Variants in PCDHGA10 observed in about 807,000 individuals in gnomAD.
PCDHGA10 encodes the protein protocadherin gamma subfamily A, 10, also known as protocadherin gamma-A10.
A neutral mutation model predicts 59.5 loss-of-function variants in PCDHGA10; 42 were observed. That is an observed-to-expected ratio of 0.71 (90% CI 0.55 to 0.91). The LOEUF (loss-of-function observed/expected upper bound fraction) is 0.91. Ranked by LOEUF, PCDHGA10 falls within the 40% of genes least tolerant of loss-of-function variation. PCDHGA10 has a pLI of 0.00. For missense variants in PCDHGA10, 1,111 were observed against 1,198.2 expected (o/e 0.93, Z 1.07); for synonymous variants, 511 against 517.2 (o/e 0.99, Z 0.16).
intron 1 of PCDHGA10, chr5:141,420,076 TCCC>T: frequency 1.9e-6 from 3 of 1,613,956 alleles, no homozygotes; most frequent in Non-Finnish European, 2.5e-6. Context: ...GACCTGTGGG[TCCC>T]CCCAACTACA....
intron 1 of PCDHGA10, chr5:141,423,481 C>G: frequency 6.2e-7 from 1 of 1,613,908 alleles, no homozygotes; most frequent in South Asian, 1.1e-5. Context: ...GGCTTTCCTG[C>G]AAACCTATTC....
At position 141,431,192 on chromosome 5, in the gene PCDHGA10, A is replaced by T. The variant is rs769745353; in HGVS notation, c.2436+15581A>T. 8.7e-6 allele frequency: 14 copies of T among 1,614,042 alleles called. No homozygotes were observed. Among genetic ancestry groups the T allele is most frequent in the African/African-American group, 2.7e-5 (2 of 74,912 alleles). On this transcript the variant is annotated intron_variant, in intron 1 of 3. Coordinates refer to ENST00000398610, the MANE Select transcript of PCDHGA10 (RefSeq NM_018913.3). This position sits in a 1 kb window ranked among gnomAD's most constrained non-coding sequence, Gnocchi z 4.8. ...TGAATTAGAAATAAAAATTAGTGAA[A>T]ATGCAGCCACTGAGATGCGGTTCCC...
At chr5:141,460,981 GTGTATA>G (rs1450537646) in intron 1 of PCDHGA10, among the ~76,000 whole-genome samples, 10 of 121,882 alleles carry the variant, frequency 8.2e-5, no homozygotes, top group African/African-American at 3.1e-4. Flanking sequence ...GTGTGTGTGT[GTGTATA>G]TATATATATG....
At chr5:141,503,309 A>G (rs2099819130) in intron 2 of PCDHGA10, among the ~76,000 whole-genome samples, 1 of 152,034 alleles carries the variant, frequency 6.6e-6, no homozygotes, top group Non-Finnish European at 1.5e-5. Flanking sequence ...TCAAGAAAGA[A>G]TTGTTGGAGG....
intron 1 of PCDHGA10, among the ~76,000 whole-genome samples, chr5:141,465,683 A>G (rs2099107378): frequency 6.6e-6 from 1 of 152,236 alleles, no homozygotes; most frequent in African/African-American, 2.4e-5. Context: ...GCTCTTGACC[A>G]GTCTGCTTTT....
rs1233637152 is a variant in PCDHGA10 at position 141,432,543 on chromosome 5, A to G, written c.2436+16932A>G. ...CTGGTGACCAAGGTGGTGGCGGTGGACAGAGACTCCGGCCAGAACGCCTGG... is the reference window on the plus strand; with the variant it reads ...CTGGTGACCAAGGTGGTGGCGGTGGGCAGAGACTCCGGCCAGAACGCCTGG... On this transcript the variant is annotated intron_variant, in intron 1 of 3. Transcript: ENST00000398610. This position sits in a 1 kb window ranked among gnomAD's most constrained non-coding sequence, Gnocchi z 6.0. 3 of 1,613,678 alleles carry G rather than the reference A, an allele frequency of 1.9e-6. No individual in the cohort carries two copies. In the African/African-American group the frequency reaches 4.0e-5, roughly 22 times the overall value.
rs888389135 is a variant in PCDHGA10 at position 141,487,089 on chromosome 5, C to T, written c.2437-7718C>T. 12 of 1,613,882 alleles carry T rather than the reference C, an allele frequency of 7.4e-6. No individual in the cohort carries two copies. Among genetic ancestry groups the T allele is most frequent in the Non-Finnish European group, 1.0e-5 (12 of 1,179,768 alleles). On this transcript the variant is annotated intron_variant, in intron 1 of 3. Coordinates refer to ENST00000398610, the MANE Select transcript of PCDHGA10 (RefSeq NM_018913.3). The surrounding 1 kb of genome is among the most constrained non-coding windows in gnomAD (Gnocchi z 5.0). The stretch of plus-strand genomic sequence containing the variant: ...GCTGTTCCTATCCCAGCTGACCTCC[C>T]ACCACAGAAGCTGGTCATTGTGGTA...
chr5:141,432,215 C>T lies in PCDHGA10; in HGVS notation c.2436+16604C>T. The T allele has an allele frequency of 1.9e-6, 3 of 1,614,228 alleles. No individual in the cohort carries two copies. The highest frequency in any genetic ancestry group is 2.5e-6 in the Non-Finnish European group (3 of 1,180,036). The stretch of plus-strand genomic sequence containing the variant: ...CGACCCCGACTGTGAAGAGAACGCC[C>T]AGATCACTTATTCCCTGGCTGAGAA... On this transcript the variant is annotated intron_variant, in intron 1 of 3. Transcript: ENST00000398610. This position sits in a 1 kb window ranked among gnomAD's most constrained non-coding sequence, Gnocchi z 6.0.
rs543209695 is a variant in PCDHGA10 at position 141,431,563 on chromosome 5, C to T, written c.2436+15952C>T. 24 of 1,614,026 alleles carry T rather than the reference C, an allele frequency of 1.5e-5. No individual in the cohort carries two copies. Among genetic ancestry groups the T allele is most frequent in the Non-Finnish European group, 1.9e-5 (23 of 1,180,046 alleles). ...AGCTGCTTGTAGTCAACGCTACCGA[C>T]CCTGACGAAGGAGTCAATGCGGAAG... On this transcript the variant is annotated intron_variant, in intron 1 of 3. Transcript: ENST00000398610. The surrounding 1 kb of genome is among the most constrained non-coding windows in gnomAD (Gnocchi z 4.8).
chr5:141,501,636 C>T (rs2099810310), intron 2 of PCDHGA10, among the ~76,000 whole-genome samples: 1 of 152,130 alleles, frequency 6.6e-6, no homozygotes, highest in South Asian at 2.1e-4. Flanking sequence ...CTCAACCTCT[C>T]TGAGCCCTGT....
intron 1 of PCDHGA10, among the ~76,000 whole-genome samples, chr5:141,471,145 G>T (rs569617031): frequency 3.4e-4 from 50 of 148,740 alleles, no homozygotes; most frequent in Non-Finnish European, 5.4e-4. Flanking sequence ...TGCCTCCTGG[G>T]TTCAAGTGAT....
chr5:141,416,585 A>T (rs2096043494), intron 1 of PCDHGA10: 2 of 152,244 alleles, frequency 1.3e-5, no homozygotes, highest in Non-Finnish European at 2.9e-5. Context: ...GAGGCAAAAT[A>T]AACTTAGAGT....
At position 141,414,379 on chromosome 5, in the gene PCDHGA10, A is replaced by G. The variant is rs2095740987; in HGVS notation, c.1204A>G (p.Ile402Val). 2 of 1,613,912 alleles carry G rather than the reference A, an allele frequency of 1.2e-6. No homozygotes were observed. Among genetic ancestry groups the G allele is most frequent in the African/African-American group, 1.3e-5 (1 of 75,058 alleles). Residue 402 changes from isoleucine to valine, a missense_variant, in exon 1 of 4, where the codon ATT becomes GTT. Coordinates refer to ENST00000398610, the MANE Select transcript of PCDHGA10 (RefSeq NM_018913.3). ...AYLPFKLEKS[I>V]DSYYRLVIHR... ...TCTACCATTTAAATTAGAAAAGTCCATTGACAGTTATTACAGATTGGTGAT... is the reference window on the plus strand; with the variant it reads ...TCTACCATTTAAATTAGAAAAGTCCGTTGACAGTTATTACAGATTGGTGAT...
intron 1 of PCDHGA10, chr5:141,428,129 C>T (rs1449809875): frequency 1.2e-6 from 2 of 1,603,336 alleles, no homozygotes; most frequent in Non-Finnish European, 1.7e-6. Context: ...CCGGGCTTTT[C>T]AGCCTGGGGC....
chr5:141,466,989 G>C, intron 1 of PCDHGA10, among the ~76,000 whole-genome samples: 1 of 150,922 alleles, frequency 6.6e-6, no homozygotes. Context: ...TTTACCTTTT[G>C]GCATTTTTTT....
In PCDHGA10 at chr5:141,477,868, C is replaced by A; in HGVS notation, c.2437-16939C>A. The A allele has an allele frequency of 6.2e-7, 1 of 1,613,750 alleles. No homozygotes were observed. Among genetic ancestry groups the A allele is most frequent in the Non-Finnish European group, 8.5e-7 (1 of 1,179,908 alleles). ...CGGTGGAGATGCTGCCTCGAGGTAC[C>A]TCAGCTGGCCACCTAGTGTCACGGG... On this transcript the variant is annotated intron_variant, in intron 1 of 3. Coordinates refer to ENST00000398610, the MANE Select transcript of PCDHGA10 (RefSeq NM_018913.3). The surrounding 1 kb of genome is among the most constrained non-coding windows in gnomAD (Gnocchi z 4.9).
chr5:141,451,597 C>A (rs2098719892), intron 1 of PCDHGA10, among the ~76,000 whole-genome samples: 1 of 152,076 alleles, frequency 6.6e-6, no homozygotes, highest in Admixed American at 6.6e-5. Context: ...AAGTGACATA[C>A]AAGGCTAGGC....
intron 1 of PCDHGA10, chr5:141,421,421 T>A (rs982627903): frequency 6.2e-7 from 1 of 1,613,876 alleles, no homozygotes; most frequent in Non-Finnish European, 8.5e-7. Flanking sequence ...AAGCGCGGAG[T>A]CCGCATCGTC....
At chr5:141,481,465 T>C (rs561789315) in intron 1 of PCDHGA10, among the ~76,000 whole-genome samples, 2 of 152,334 alleles carry the variant, frequency 1.3e-5, no homozygotes, top group South Asian at 2.1e-4. Context: ...CTGAAAACCA[T>C]TGGATTATAC....
Sources: allele counts gnomAD v4.1 joint callset (sites outside exome capture counted in the v4.1 genomes callset), GRCh38; gene constraint gnomAD v4.1.1; non-coding constraint Gnocchi (gnomAD v3.1); transcripts MANE v1.5; gene names NCBI Gene and HGNC (gene_info 2026-07-23, HGNC 2026-07-21).